STON2: variants seen among roughly 807,000 people sequenced by gnomAD.
STON2 encodes the protein stonin-2.
STON2 carries 29 observed loss-of-function variants against 65.7 expected under a neutral mutation model. The ratio of observed to expected loss-of-function variants is 0.44; its 90% CI spans 0.33 to 0.60. The LOEUF is 0.60. Among genes scored for constraint, STON2 ranks in the 20% least tolerant of loss-of-function variants. The pLI, the probability that STON2 is intolerant of heterozygous loss-of-function variation, is 0.03. For synonymous variants in STON2, 404 were observed against 414.2 expected, an observed-to-expected ratio of 0.98 and a Z score of 0.30; for missense variants, 1,054 against 1,118.1, an observed-to-expected ratio of 0.94 and a Z score of 0.82.
chr14:81,433,720 A>ATTG (rs1454940173), intron 1 of STON2, among the ~76,000 whole-genome samples: 1 of 152,198 alleles, frequency 6.6e-6, no homozygotes, highest in East Asian at 1.9e-4. Context: ...TAAGATCCAC[A>ATTG]TTGTCCCAGA....
In STON2 at chr14:81,299,102, C is replaced by A. The variant is rs1476722663; in HGVS notation, c.743-20363G>T. Among the ~76,000 whole-genome samples the A allele has an allele frequency of 2.6e-5, 4 of 152,262 alleles. 1 individual carries two copies. In the Middle Eastern group the frequency reaches 0.01, roughly 388 times the overall value. ...TAAGTTCTAGCCACATGGCTCAGAT[C>A]AAGTGACACCAAACTGTATTTGGTA... is the stretch of plus-strand genomic sequence containing the variant. On this transcript the variant is annotated intron_variant, in intron 5 of 7. Coordinates refer to ENST00000614646, the MANE Select transcript of STON2 (RefSeq NM_001394390.1).
intron 3 of STON2, among the ~76,000 whole-genome samples, chr14:81,373,952 G>A (rs1240485440): frequency 6.8e-6 from 1 of 146,824 alleles, no homozygotes; most frequent in Non-Finnish European, 1.5e-5. Flanking sequence ...AGTACTTCCA[G>A]GTTAGTAGCC....
intron 4 of STON2, among the ~76,000 whole-genome samples, chr14:81,333,991 C>T (rs1235374965): frequency 6.6e-6 from 1 of 152,276 alleles, no homozygotes; most frequent in East Asian, 1.9e-4. Context: ...AAGGTTTCTG[C>T]TCTAAAGCCA....
In STON2 at chr14:81,263,229, A is replaced by T. The variant is rs1413743105; in HGVS notation, c.*5185T>A. The T allele has an allele frequency of 1.9e-5, 18 of 927,802 alleles. No homozygotes were observed. The highest frequency in any genetic ancestry group is 2.3e-5 in the Non-Finnish European group (18 of 777,510). The allele number at this position is 927,802 out of a possible 1,614,324, so 57.5% of individuals were successfully genotyped here. A position where few individuals can be genotyped will look rare whatever the true frequency, so the allele number is the denominator to read the frequency against. ...TGAATGTGGCCCAAGACAAATTCGT[A>T]AACTTTCTTAAAACATTATGCTATT... On this transcript the variant is annotated 3_prime_UTR_variant, in exon 8 of 8. Coordinates refer to ENST00000614646, the MANE Select transcript of STON2 (RefSeq NM_001394390.1).
At chr14:81,414,945 T>C (rs755687385) in intron 2 of STON2, among the ~76,000 whole-genome samples, 2 of 152,164 alleles carry the variant, frequency 1.3e-5, no homozygotes, top group Non-Finnish European at 1.5e-5. Context: ...AGGTAAGATC[T>C]GCCCATGGTC....
Position 81,277,698 on chromosome 14 carries a change from A to AT in STON2, c.1783_1784insA (p.Phe595TyrfsTer31). 1 of 1,614,168 alleles carries AT rather than the reference A, an allele frequency of 6.2e-7. No individual in the cohort carries two copies. Among genetic ancestry groups the AT allele is most frequent in the Non-Finnish European group, 8.5e-7 (1 of 1,180,034 alleles). ...CTGAACTGCATGGATGAAACTCAGGAAGTCATCGTAATTGGTGGTGCCCAG... is the reference window on the plus strand; with the variant it reads ...CTGAACTGCATGGATGAAACTCAGGATAGTCATCGTAATTGGTGGTGCCCAG... On this transcript the variant is annotated frameshift_variant, in exon 6 of 8. Transcript: ENST00000614646. LOFTEE classifies it high-confidence loss of function.
At chr14:81,386,249 CA>C (rs1407921430) in intron 3 of STON2, among the ~76,000 whole-genome samples, 2 of 152,192 alleles carry the variant, frequency 1.3e-5, no homozygotes, top group African/African-American at 2.4e-5. Context: ...TCTTCTGTTG[CA>C]GGGGGAATTA....
upstream of STON2, among the ~76,000 whole-genome samples, chr14:81,403,019 A>T (rs1900681686): frequency 6.6e-6 from 1 of 152,166 alleles, no homozygotes; most frequent in Non-Finnish European, 1.5e-5. Context: ...CTCAATAAAA[A>T]TTGTCGTATA....
At chr14:81,287,101 T>C (rs1895361644) in intron 5 of STON2, among the ~76,000 whole-genome samples, 1 of 152,220 alleles carries the variant, frequency 6.6e-6, no homozygotes, top group South Asian at 2.1e-4. Flanking sequence ...AGTGATGTCA[T>C]GCACTAATGT....
rs931200897 is a variant in STON2, at chr14:81,263,406, C to T, written c.*5008G>A. Among the ~76,000 whole-genome samples, 3 of 151,952 alleles carry T rather than the reference C, an allele frequency of 2.0e-5. No individual in the cohort carries two copies. Among genetic ancestry groups the T allele is most frequent in the Admixed American group, 6.6e-5 (1 of 15,242 alleles). ...TACAAAAATTAGTCAGGCGTGGTGG[C>T]ACATGCCTGTAGTCCCAGCTACTCG... On this transcript the variant is annotated 3_prime_UTR_variant, in exon 8 of 8. Coordinates refer to ENST00000614646, the MANE Select transcript of STON2 (RefSeq NM_001394390.1).
chr14:81,262,025 T>G lies in STON2; in HGVS notation c.*6389A>C. 1 of 1,368,960 alleles carries G rather than the reference T, an allele frequency of 7.3e-7. No homozygotes were observed. The highest frequency in any genetic ancestry group is 9.4e-7 in the Non-Finnish European group (1 of 1,066,816). 84.8% of individuals were successfully genotyped at this position (1,368,960 alleles called of 1,614,324 possible). ...TTTTTCCAATCTTCAAAATTTAAAT[T>G]TCTTGGTTCTTATAAACATAGGAAG... On this transcript the variant is annotated 3_prime_UTR_variant, in exon 8 of 8. Transcript: ENST00000614646.
At chr14:81,308,781 C>A (rs10585427) in intron 5 of STON2, among the ~76,000 whole-genome samples, 1 of 9,170 alleles carries the variant, frequency 1.1e-4, no homozygotes, top group Non-Finnish European at 2.0e-4. Context: ...TGGTTTTACC[C>A]ATATATATAT....
At chr14:81,313,327 C>T (rs376937851) in intron 5 of STON2, among the ~76,000 whole-genome samples, 3 of 152,294 alleles carry the variant, frequency 2.0e-5, no homozygotes, top group East Asian at 3.9e-4. Context: ...AGGACAGAGA[C>T]TGCAATATAA....
chr14:81,318,554 T>G (rs1266992064), intron 5 of STON2, among the ~76,000 whole-genome samples: 1 of 152,194 alleles, frequency 6.6e-6, no homozygotes, highest in Non-Finnish European at 1.5e-5. Context: ...TTTCTCACAC[T>G]AAAAAAGTGA....
At chr14:81,361,061 A>G (rs1321485534) in intron 4 of STON2, among the ~76,000 whole-genome samples, 1 of 152,182 alleles carries the variant, frequency 6.6e-6, no homozygotes, top group Non-Finnish European at 1.5e-5. Flanking sequence ...TAAAATGACC[A>G]TACCACCCAA....
chr14:81,418,644 A>G lies in STON2; in HGVS notation c.-199+8458T>C, dbSNP rs139987953. On this transcript the variant is annotated intron_variant, in intron 2 of 8. Coordinates refer to the STON2 transcript ENST00000553821. ...AAGTACTTTTCTGTTTACCTGGCAC[A>G]GATTGAAGCTTGCCTCAGGTAAGGG... Among the ~76,000 whole-genome samples the G allele has an allele frequency of 1.2e-4, 18 of 152,340 alleles. 1 individual carries two copies. The East Asian group carries it at 3.5e-3, about 29-fold the overall frequency.
At chr14:81,332,913 T>C (rs1897259171) in intron 4 of STON2, 3 of 279,732 alleles carry the variant, frequency 1.1e-5, no homozygotes, top group African/African-American at 2.2e-5. Context: ...TGCAACACCT[T>C]TACCCCTTCA....
chr14:81,373,600 C>G (rs1051875345), intron 3 of STON2, among the ~76,000 whole-genome samples: 12 of 152,150 alleles, frequency 7.9e-5, no homozygotes, highest in Non-Finnish European at 1.6e-4. Context: ...ACAGAGGACA[C>G]AAGCTGATTT....
In STON2 at chr14:81,317,029, GA is replaced by G. The variant is rs372702770; in HGVS notation, c.742+6987del. Among the ~76,000 whole-genome samples the G allele has an allele frequency of 1.3e-4, 20 of 152,018 alleles. No individual in the cohort carries two copies. In the East Asian group the frequency reaches 3.5e-3, roughly 27 times the overall value. ...AGTGAGACTCTGTCTCAAAAAAAAA[GA>G]AAAAAGAAAAGAGGTTTATTTGGGC... is the stretch of plus-strand genomic sequence containing the variant. On this transcript the variant is annotated intron_variant, in intron 5 of 7. Transcript: ENST00000614646.
Sources: allele counts gnomAD v4.1 joint callset (sites outside exome capture counted in the v4.1 genomes callset), GRCh38; gene constraint gnomAD v4.1.1; transcripts MANE v1.5; gene names NCBI Gene and HGNC (gene_info 2026-07-23, HGNC 2026-07-21).